SPNS2: variants seen among roughly 807,000 people sequenced by gnomAD.
The protein encoded by SPNS2 is SPNS lysolipid transporter 2, sphingosine-1-phosphate.
In SPNS2, 37 loss-of-function variants were observed where a neutral mutation model predicts 57.6. That is an observed-to-expected ratio of 0.64 (90% CI 0.49 to 0.85). SPNS2 has a LOEUF of 0.85. Ranked by LOEUF, SPNS2 falls within the 40% of genes least tolerant of loss-of-function variation. SPNS2 has a pLI of 0.00. For missense variants in SPNS2, 831 were observed against 779.1 expected (o/e 1.07, Z -0.79); for synonymous variants, 440 against 346.9 (o/e 1.27, Z -2.98).
intron 1 of SPNS2, among the ~76,000 whole-genome samples, chr17:4,506,794 T>C (rs1904691336): frequency 6.6e-6 from 1 of 152,094 alleles, no homozygotes; most frequent in South Asian, 2.1e-4. Flanking sequence ...GCTCTGCCAT[T>C]AATGACCCAG....
intron 1 of SPNS2, among the ~76,000 whole-genome samples, chr17:4,500,359 T>C (rs1223988691): frequency 6.6e-6 from 1 of 152,134 alleles, no homozygotes; most frequent in African/African-American, 2.4e-5. Context: ...GGAATTGCCT[T>C]CTGCTGGCTC....
At chr17:4,519,252 G>A (rs1016166860) in intron 2 of SPNS2, among the ~76,000 whole-genome samples, 1 of 152,214 alleles carries the variant, frequency 6.6e-6, no homozygotes, top group African/African-American at 2.4e-5. Context: ...GGGGCTCAGG[G>A]CTCCCTCAAG....
At chr17:4,535,995 C>A in intron 9 of SPNS2, 81 bp from the exon 10 acceptor site, 1 of 1,230,698 alleles carries the variant, frequency 8.1e-7, no homozygotes, top group Non-Finnish European at 1.1e-6. Context: ...GTGGGGGCTT[C>A]AGAAGTGCCA....
intron 2 of SPNS2, among the ~76,000 whole-genome samples, chr17:4,518,223 C>T (rs573762305): frequency 2.0e-5 from 3 of 152,014 alleles, no homozygotes; most frequent in Non-Finnish European, 2.9e-5. Flanking sequence ...CAGGGCAGTC[C>T]GTGTAAAATG....
chr17:4,536,485 C>A, intron 11 of SPNS2, 59 bp downstream of exon 11: 1 of 1,549,152 alleles, frequency 6.5e-7, no homozygotes. Context: ...CCGTGATAGC[C>A]ACCGTGAGCC....
At chr17:4,525,338 G>A in intron 3 of SPNS2, 145 bp downstream of exon 3, 1 of 1,208,896 alleles carries the variant, frequency 8.3e-7, no homozygotes, top group Non-Finnish European at 1.1e-6. Context: ...CAGAAGGACA[G>A]GTGGTCTTCG....
intron 2 of SPNS2, among the ~76,000 whole-genome samples, chr17:4,524,720 G>A (rs1306937850): frequency 6.6e-6 from 1 of 152,178 alleles, no homozygotes; most frequent in Non-Finnish European, 1.5e-5. Flanking sequence ...AGATATGTGA[G>A]ATATGACATG....
chr17:4,513,524 T>C (rs1307657871), intron 2 of SPNS2, among the ~76,000 whole-genome samples: 1 of 152,198 alleles, frequency 6.6e-6, no homozygotes, highest in African/African-American at 2.4e-5. Context: ...AAATGAATAA[T>C]ACCTGCCCTG....
In SPNS2 at chr17:4,533,871, A is replaced by C. The variant is rs113678833; in HGVS notation, c.1344+18A>C. 319 of 1,493,936 alleles carry C rather than the reference A, an allele frequency of 2.1e-4. No homozygotes were observed. The African/African-American group carries it at 4.1e-3, about 19-fold the overall frequency. 92.5% of individuals were successfully genotyped at this position (1,493,936 alleles called of 1,614,324 possible). A position where few individuals can be genotyped will look rare whatever the true frequency, so the allele number is the denominator to read the frequency against. Reference sequence around the variant, plus strand: ...TCCTCATGGTGAGCCAGGCAGGCCGAGGTCACCTTGTGCTGCTGACCCAGG... The same window carrying C: ...TCCTCATGGTGAGCCAGGCAGGCCGCGGTCACCTTGTGCTGCTGACCCAGG... On this transcript the variant is annotated intron_variant, in intron 9 of 12. Coordinates refer to ENST00000329078, the MANE Select transcript of SPNS2 (RefSeq NM_001124758.3).
intron 3 of SPNS2, among the ~76,000 whole-genome samples, chr17:4,529,646 G>C (rs1905374588): frequency 6.6e-6 from 1 of 151,920 alleles, no homozygotes; most frequent in Non-Finnish European, 1.5e-5. Flanking sequence ...ACTCCAGCCT[G>C]AGTGACAGAG....
intron 1 of SPNS2, among the ~76,000 whole-genome samples, chr17:4,503,796 C>A (rs1027303923): frequency 6.6e-6 from 1 of 152,292 alleles, no homozygotes; most frequent in East Asian, 1.9e-4. Context: ...TGGGGGAGTC[C>A]TTTTCTGCCA....
chr17:4,538,656 G>A lies in SPNS2; in HGVS notation c.*1208G>A. The stretch of plus-strand genomic sequence containing the variant: ...GTGGGGTGGGGGGTGAGGCCTTGTG[G>A]CCAATGGGGGACCCCCCAAGAGCCA... On this transcript the variant is annotated 3_prime_UTR_variant, in exon 13 of 13. Coordinates refer to ENST00000329078, the MANE Select transcript of SPNS2 (RefSeq NM_001124758.3). The A allele has an allele frequency of 1.9e-6, 1 of 519,268 alleles. No individual in the cohort carries two copies. Among genetic ancestry groups the A allele is most frequent in the Non-Finnish European group, 3.4e-6 (1 of 291,102 alleles). The allele number at this position is 519,268 out of a possible 1,614,324, so 32.2% of individuals were successfully genotyped here.
chr17:4,537,197 G>GGGCCAGGACT (rs58465415), intron 12 of SPNS2, among the ~76,000 whole-genome samples: 1,748 of 152,302 alleles, frequency 0.011, 33 homozygotes, highest in African/African-American at 0.04. Flanking sequence ...GCATAGATCA[G>GGGCCAGGACT]GGCCAGGACT....
Position 4,537,978 on chromosome 17 carries a change from A to G in SPNS2, c.*530A>G, listed in dbSNP as rs1905958349. ...GCCTGGTATGCAGGGACCACTGCTC[A>G]GCTGGGCCTCGGACCTTGGGGATAT... On this transcript the variant is annotated 3_prime_UTR_variant, in exon 13 of 13. Coordinates refer to ENST00000329078, the MANE Select transcript of SPNS2 (RefSeq NM_001124758.3). 1 of 358,308 alleles carries G rather than the reference A, an allele frequency of 2.8e-6. No homozygotes were observed. Among genetic ancestry groups the G allele is most frequent in the Non-Finnish European group, 5.6e-6 (1 of 178,822 alleles). The allele number at this position is 358,308 out of a possible 1,614,324, so 22.2% of individuals were successfully genotyped here.
intron 2 of SPNS2, among the ~76,000 whole-genome samples, chr17:4,517,970 A>G (rs1046938993): frequency 2.0e-5 from 3 of 152,278 alleles, no homozygotes; most frequent in African/African-American, 7.2e-5. Flanking sequence ...GTGAATTAGA[A>G]GCTAGATCTG....
Position 4,538,173 on chromosome 17 carries a change from T to C in SPNS2, c.*725T>C, listed in dbSNP as rs965467309. 11 of 254,116 alleles carry C rather than the reference T, an allele frequency of 4.3e-5. No homozygotes were observed. The highest frequency in any genetic ancestry group is 2.0e-4 in the African/African-American group (9 of 45,288). 15.7% of individuals were successfully genotyped at this position (254,116 alleles called of 1,614,324 possible). ...GCCCTGGCTGCAGCTGTACACCACC[T>C]GTGCCCCCAGGCTCAAGGTCTCTGG... On this transcript the variant is annotated 3_prime_UTR_variant, in exon 13 of 13. Transcript: ENST00000329078.
chr17:4,506,968 C>T (rs946142351), intron 1 of SPNS2, among the ~76,000 whole-genome samples: 4 of 152,162 alleles, frequency 2.6e-5, no homozygotes, highest in African/African-American at 4.8e-5. Flanking sequence ...TGCGGGCAGA[C>T]GGGGGCAGGA....
intron 1 of SPNS2, 147 bp from the exon 2 acceptor site, chr17:4,513,100 A>T: frequency 1.2e-6 from 1 of 808,556 alleles, no homozygotes; most frequent in South Asian, 1.7e-5. Flanking sequence ...AGCCTGGGAA[A>T]CCTGGGCAGG....
intron 2 of SPNS2, among the ~76,000 whole-genome samples, chr17:4,522,988 G>A (rs1330247429): frequency 5.9e-5 from 9 of 152,186 alleles, no homozygotes; most frequent in South Asian, 4.1e-4. Flanking sequence ...AGTGGGCTCC[G>A]GGGCCCCACC....
Sources: gnomAD v4.1 joint callset for allele counts (sites outside exome capture counted in the v4.1 genomes callset) on GRCh38, gnomAD v4.1.1 for gene constraint, MANE v1.5 for transcripts, NCBI Gene and HGNC (gene_info 2026-07-23, HGNC 2026-07-21) for gene names.